The following DNAJC18 variants were observed in gnomAD, a reference collection of about 807,000 sequenced individuals.
The protein encoded by DNAJC18 is dnaJ homolog subfamily C member 18.
A neutral mutation model predicts 48.6 loss-of-function variants in DNAJC18; 40 were observed. That is an observed-to-expected ratio of 0.82 (90% CI 0.64 to 1.07). The LOEUF (loss-of-function observed/expected upper bound fraction) is 1.07. Among genes scored for constraint, DNAJC18 ranks in the 50% least tolerant of loss-of-function variants. DNAJC18 has a pLI of 0.00. For missense variants in DNAJC18, 340 were observed against 427.7 expected, an observed-to-expected ratio of 0.79 and a Z score of 1.81; for synonymous variants, 135 against 152.2, an observed-to-expected ratio of 0.89 and a Z score of 0.83.
At chr5:139,425,210 C>A in intron 4 of DNAJC18, 96 bp from the exon 5 acceptor site, 1 of 1,012,670 alleles carries the variant, frequency 9.9e-7, no homozygotes, top group South Asian at 1.4e-5. Flanking sequence ...GTTACCCAGA[C>A]TGGAGTGCAA....
At chr5:139,437,237 T>C in intron 2 of DNAJC18, 135 bp downstream of exon 2, 1 of 1,121,122 alleles carries the variant, frequency 8.9e-7, no homozygotes, top group Non-Finnish European at 1.2e-6. Context: ...GTCTTCCCTC[T>C]GAGGTCAAGA....
At position 139,439,421 on chromosome 5, in the gene DNAJC18, C is replaced by G; in HGVS notation, c.25G>C (p.Glu9Gln). The part of the protein sequence containing the change: MAATLGSG[E>Q]RWTEAYIDAV... ...GACCTAGTACCTTCCGTCCAGCGCT[C>G]CCCGCTGCCCAGAGTCGCCGCCATA... The change falls in exon 1 of 8, where the codon GAG becomes CAG. Residue 9 changes from glutamate (E) to glutamine (Q), a missense_variant. Physicochemically the swap from Glu to Gln is conservative, Grantham distance 29 (BLOSUM62 2). Transcript: ENST00000302060. This position sits in a 1 kb window ranked among gnomAD's most constrained non-coding sequence, Gnocchi z 4.1. The G allele has an allele frequency of 5.0e-6, 8 of 1,613,966 alleles. No homozygotes were observed. The South Asian group carries it at 8.8e-5, about 18-fold the overall frequency.
Position 139,412,673 on chromosome 5 carries a change from C to G in DNAJC18, c.*1475G>C, listed in dbSNP as rs1303059457. ...CATGATAATTCAGGCAGCTCAGCTC[C>G]ACAGGAAGGCCCAGAACCACACAGC... On this transcript the variant is annotated 3_prime_UTR_variant, in exon 8 of 8. Transcript: ENST00000302060. 1 of 398,606 alleles carries G rather than the reference C, an allele frequency of 2.5e-6. No individual in the cohort carries two copies. Among genetic ancestry groups the G allele is most frequent in the Non-Finnish European group, 4.4e-6 (1 of 226,148 alleles). 24.7% of individuals were successfully genotyped at this position (398,606 alleles called of 1,614,324 possible).
In DNAJC18 at chr5:139,437,384, A is replaced by T. The variant is rs750680672; in HGVS notation, c.215T>A (p.Leu72His). ...ACCACATGCTCACCTTTGTACCCCA[A>T]GCAGCTGTTCCTCACTATACGTGGA... ...GNSTYSEEQL[L>H]GVQRIKKCRN... The change falls in exon 2 of 8, where the codon CTT (leucine) becomes CAT (histidine). Residue 72 changes from leucine (L) to histidine (H), a missense_variant. Coordinates refer to ENST00000302060, the MANE Select transcript of DNAJC18 (RefSeq NM_152686.4). The T allele has an allele frequency of 8.1e-6, 13 of 1,610,080 alleles. No individual in the cohort carries two copies. The highest frequency in any genetic ancestry group is 1.1e-5 in the Non-Finnish European group (13 of 1,178,446).
At chr5:139,428,780 A>C (rs1409359724) in intron 2 of DNAJC18, 97 bp from the exon 3 acceptor site, 47 of 1,410,112 alleles carry the variant, frequency 3.3e-5, no homozygotes, top group Non-Finnish European at 3.9e-5. Flanking sequence ...TGTGGGACCC[A>C]AAACAAACCT....
Position 139,418,762 on chromosome 5 carries a change from T to C in DNAJC18, c.952+1291A>G, listed in dbSNP as rs867180239. 1.5e-5 allele frequency: 7 copies of C among 456,202 alleles called. No homozygotes were observed. The Middle Eastern group carries it at 1.9e-3, about 126-fold the overall frequency. The allele number at this position is 456,202 out of a possible 1,614,324, so 28.3% of individuals were successfully genotyped here. ...AATCCTCAGCATTTTCATTGTTTTC[T>C]ACTCCTGAGAATCCTCTCTTCAAAA... is the stretch of plus-strand genomic sequence containing the variant. On this transcript the variant is annotated intron_variant, in intron 7 of 7. Transcript: ENST00000302060.
intron 2 of DNAJC18, among the ~76,000 whole-genome samples, chr5:139,432,832 C>T (rs1581422131): frequency 6.6e-6 from 1 of 152,116 alleles, no homozygotes; most frequent in Non-Finnish European, 1.5e-5. Flanking sequence ...TAATGGCAGC[C>T]CCCATCATAA....
intron 7 of DNAJC18, chr5:139,419,219 A>G (rs1759112936): frequency 2.3e-6 from 1 of 439,650 alleles, no homozygotes; most frequent in Non-Finnish European, 4.5e-6. Flanking sequence ...CAAGTTTTAG[A>G]AGACACAGTC....
intron 4 of DNAJC18, 113 bp from the exon 5 acceptor site, chr5:139,425,227 G>A: frequency 1.3e-6 from 1 of 749,284 alleles, no homozygotes; most frequent in Non-Finnish European, 2.1e-6. Context: ...GCAATGGGGT[G>A]ATCTCGGCTC....
chr5:139,420,821 G>A (rs1168020641), intron 6 of DNAJC18, among the ~76,000 whole-genome samples: 3 of 151,966 alleles, frequency 2.0e-5, no homozygotes, highest in Admixed American at 1.3e-4. Context: ...TAAGAGTACT[G>A]AGCTGACTAA....
chr5:139,430,694 C>T (rs557512727), intron 2 of DNAJC18, among the ~76,000 whole-genome samples: 6 of 151,826 alleles, frequency 4.0e-5, no homozygotes, highest in South Asian at 4.2e-4. Context: ...CTCAGCCTCC[C>T]GAGTAGCTGT....
intron 2 of DNAJC18, among the ~76,000 whole-genome samples, chr5:139,433,838 T>A (rs1285205213): frequency 6.6e-6 from 1 of 152,232 alleles, no homozygotes; most frequent in African/African-American, 2.4e-5. Context: ...TGCATTCATA[T>A]AATTTTCTTA....
chr5:139,421,970 AATTT>A (rs1230414772), intron 6 of DNAJC18, among the ~76,000 whole-genome samples: 1 of 152,176 alleles, frequency 6.6e-6, no homozygotes, highest in African/African-American at 2.4e-5. Flanking sequence ...AATGAATAAT[AATTT>A]ATTATTCATT....
At chr5:139,434,443 C>T (rs973795614) in intron 2 of DNAJC18, among the ~76,000 whole-genome samples, 13 of 152,150 alleles carry the variant, frequency 8.5e-5, no homozygotes, top group African/African-American at 2.4e-4. Flanking sequence ...CCTACCTCAG[C>T]CTTCTGAGTA....
intron 7 of DNAJC18, among the ~76,000 whole-genome samples, chr5:139,415,062 C>T (rs189181282): frequency 1.3e-5 from 2 of 152,196 alleles, no homozygotes; most frequent in Admixed American, 6.5e-5. Flanking sequence ...AGACGTATTG[C>T]GTATTAACAG....
chr5:139,431,966 A>G (rs1759335639), intron 2 of DNAJC18, among the ~76,000 whole-genome samples: 1 of 152,184 alleles, frequency 6.6e-6, no homozygotes, highest in African/African-American at 2.4e-5. Flanking sequence ...CTTACTAACC[A>G]TATATATATC....
chr5:139,435,263 GA>G (rs1485217767), intron 2 of DNAJC18, among the ~76,000 whole-genome samples: 1 of 152,134 alleles, frequency 6.6e-6, no homozygotes, highest in Non-Finnish European at 1.5e-5. Flanking sequence ...TGAGGCCAGA[GA>G]ATCGCTTGAA....
intron 6 of DNAJC18, 144 bp downstream of exon 6, chr5:139,422,564 G>C (rs889850073): frequency 3.1e-6 from 2 of 650,866 alleles, no homozygotes; most frequent in African/African-American, 1.9e-5. Flanking sequence ...TCAGCACCAT[G>C]ACTACCCAGC....
Position 139,412,937 on chromosome 5 carries a change from G to C in DNAJC18, c.*1211C>G. 3 of 398,620 alleles carry C rather than the reference G, an allele frequency of 7.5e-6. No homozygotes were observed. Among genetic ancestry groups the C allele is most frequent in the East Asian group, 7.1e-5 (2 of 28,076 alleles). 24.7% of individuals were successfully genotyped at this position (398,620 alleles called of 1,614,324 possible). A position where few individuals can be genotyped will look rare whatever the true frequency, so the allele number is the denominator to read the frequency against. ...TGCCAGTCTGGCTAGAATCACCTGA[G>C]ACATGAGGATGCTCTCCCACTTTCT... On this transcript the variant is annotated 3_prime_UTR_variant, in exon 8 of 8. Coordinates refer to ENST00000302060, the MANE Select transcript of DNAJC18 (RefSeq NM_152686.4).
Sources: gnomAD v4.1 joint callset for allele counts (sites outside exome capture counted in the v4.1 genomes callset) on GRCh38, gnomAD v4.1.1 for gene constraint, Gnocchi (gnomAD v3.1) non-coding constraint, MANE v1.5 for transcripts, NCBI Gene and HGNC (gene_info 2026-07-23, HGNC 2026-07-21) for gene names.